The following NLRX1 variants were observed in gnomAD, a reference collection of about 807,000 sequenced individuals.
NLRX1 encodes NLR family member X1.
Under a neutral mutation model 74.2 loss-of-function variants are expected in NLRX1, and 67 were observed. That is an observed-to-expected ratio of 0.90 (90% CI 0.74 to 1.11). The LOEUF (loss-of-function observed/expected upper bound fraction) is 1.11. Among genes scored for constraint, NLRX1 ranks in the 50% least tolerant of loss-of-function variants. The probability of loss-of-function intolerance (pLI) is 0.00; values close to 1 mark genes in which losing one functional copy is unlikely to be tolerated. For missense variants in NLRX1, 1,191 were observed against 1,305.4 expected, an observed-to-expected ratio of 0.91 and a Z score of 1.35; for synonymous variants, 506 against 559.1, an observed-to-expected ratio of 0.91 and a Z score of 1.34.
At chr11:119,180,370 A>T in intron 7 of NLRX1, 82 bp downstream of exon 7, 1 of 1,156,206 alleles carries the variant, frequency 8.6e-7, no homozygotes, top group Non-Finnish European at 1.2e-6. Context: ...TGCCAGGGAA[A>T]CCAGAGGTAC....
chr11:119,174,454 C>T lies in NLRX1; in HGVS notation c.851C>T (p.Ala284Val). The T allele has an allele frequency of 6.2e-7, 1 of 1,612,518 alleles. No individual in the cohort carries two copies. The highest frequency in any genetic ancestry group is 8.5e-7 in the Non-Finnish European group (1 of 1,178,900). ...AACTCTCAACCATGCTCTTCCCAGG[C>T]CAGCATTCTGGTGACCACTCGGCCC... ...NLLRKYMLPQ[A>V]SILVTTRPSA... The change falls in exon 6 of 10, where the codon GCC (alanine) becomes GTC (valine). Residue 284 changes from alanine to valine, a missense_variant and splice_region_variant. Transcript: ENST00000409109.
chr11:119,170,029 A>T (rs1444485608), intron 1 of NLRX1, among the ~76,000 whole-genome samples: 1 of 148,004 alleles, frequency 6.8e-6, no homozygotes, highest in African/African-American at 2.6e-5. Flanking sequence ...AAAAAAAAAA[A>T]AAAAATTGGT....
At position 119,171,381 on chromosome 11, in the gene NLRX1, A is replaced by G; in HGVS notation, c.-23A>G. 1 of 1,613,022 alleles carries G rather than the reference A, an allele frequency of 6.2e-7. No homozygotes were observed. The highest frequency in any genetic ancestry group is 8.5e-7 in the Non-Finnish European group (1 of 1,179,646). On this transcript the variant is annotated 5_prime_UTR_variant, in exon 2 of 10. Coordinates refer to ENST00000409109, the MANE Select transcript of NLRX1 (RefSeq NM_001282144.2). ...GACAGAAGTCGGTCCTAGGCCCCCC[A>G]GGCTCTGACCTTCTTTCCCAGGATG...
At position 119,181,023 on chromosome 11, in the gene NLRX1, AGAGT is replaced by A. The variant is rs1437889210; in HGVS notation, c.2268-144_2268-141del. On this transcript the variant is annotated intron_variant, in intron 7 of 9. Transcript: ENST00000409109. ...GCCATTGTGCTCCAACCTGGGCAAC[AGAGT>A]GAGACCCTGTCTCTCAAAAAAGGGG... is the stretch of plus-strand genomic sequence containing the variant. 1.6e-5 allele frequency: 10 copies of A among 637,232 alleles called. No individual in the cohort carries two copies. In the Middle Eastern group the frequency reaches 9.6e-4, roughly 61 times the overall value. 39.5% of individuals were successfully genotyped at this position (637,232 alleles called of 1,614,324 possible).
At chr11:119,175,437 A>G (rs981833898) in intron 6 of NLRX1, among the ~76,000 whole-genome samples, 163 bp downstream of exon 6, 1 of 152,190 alleles carries the variant, frequency 6.6e-6, no homozygotes, top group African/African-American at 2.4e-5. Context: ...ATCTGGTTTC[A>G]GCTCTGAGCA....
chr11:119,181,097 T>C, intron 7 of NLRX1, 74 bp from the exon 8 acceptor site: 1 of 1,019,062 alleles, frequency 9.8e-7, no homozygotes, highest in South Asian at 1.3e-5. Context: ...AAAAAAGGCA[T>C]GGTAGATGGA....
chr11:119,174,145 C>A, intron 5 of NLRX1, 47 bp downstream of exon 5: 1 of 1,587,888 alleles, frequency 6.3e-7, no homozygotes, highest in Middle Eastern at 1.7e-4. Flanking sequence ...CGTTGACTCG[C>A]CCCCTAGGTC....
Position 119,173,895 on chromosome 11 carries a change from G to A in NLRX1, c.646G>A (p.Val216Met), listed in dbSNP as rs1948619938. 2 of 1,613,460 alleles carry A rather than the reference G, an allele frequency of 1.2e-6. No individual in the cohort carries two copies. Among genetic ancestry groups the A allele is most frequent in the Non-Finnish European group, 1.7e-6 (2 of 1,180,040 alleles). ...GPAPASLCQL[V>M]AQRYTPLKEV... ...TGCCCCAGCCTCCCTGTGCCAACTT[G>A]TGGCCCAGCGCTACACGCCCCTGAA... Residue 216 changes from valine to methionine, a missense_variant, in exon 5 of 10, where the codon GTG becomes ATG. Val to Met is a conservative substitution (Grantham distance 21, BLOSUM62 1). Transcript: ENST00000409109. The surrounding 1 kb of genome is among the most constrained non-coding windows in gnomAD (Gnocchi z 4.0).
intron 8 of NLRX1, among the ~76,000 whole-genome samples, chr11:119,181,739 CAG>C (rs886963137): frequency 3.9e-4 from 59 of 151,768 alleles, no homozygotes; most frequent in African/African-American, 1.3e-3. Context: ...ATAGGGGAGT[CAG>C]AGGGGAGGGA....
Position 119,183,194 on chromosome 11 carries a change from C to A in NLRX1, c.2683C>A (p.Arg895=), listed in dbSNP as rs149852877. The A allele has an allele frequency of 6.2e-7, 1 of 1,614,158 alleles. No homozygotes were observed. The highest frequency in any genetic ancestry group is 1.7e-5 in the Admixed American group (1 of 60,020). Reference sequence around the variant, plus strand: ...GGGGGGTGCTGCTGAAGGTGGTGCCCGGGTGGTGGTGTCACTGACAGAGGG... The same window carrying A: ...GGGGGGTGCTGCTGAAGGTGGTGCCAGGGTGGTGGTGTCACTGACAGAGGG... The part of the protein sequence containing the change: ...DLGGAAEGGA[R]VVVSLTEGTA... The change falls in exon 10 of 10, where the codon CGG becomes AGG. Residue 895 remains arginine, a synonymous_variant. Transcript: ENST00000409109. This position sits in a 1 kb window ranked among gnomAD's most constrained non-coding sequence, Gnocchi z 5.7.
rs770187829 is a variant in NLRX1 at position 119,174,731 on chromosome 11, C to T, written c.1128C>T (p.Leu376=). 9.9e-6 allele frequency: 16 copies of T among 1,613,890 alleles called. No individual in the cohort carries two copies. In the African/African-American group the frequency reaches 1.2e-4, roughly 12 times the overall value. The change falls in exon 6 of 10, where the codon CTC becomes CTT. Residue 376 remains leucine, a synonymous_variant. Transcript: ENST00000409109. The part of the protein sequence containing the change: ...AACFLPSYCW[L]VCATLHFLHA... ...GCTTCCTGCCGTCCTATTGCTGGCT[C>T]GTTTGTGCCACCTTGCACTTCCTGC...
rs369008151 is a variant in NLRX1 at position 119,182,173 on chromosome 11, C to A, written c.2434C>A (p.Leu812Met). ...GGCAGGAAACACCTCAGTGACGCAC[C>A]TGTCCCTGCTGCACACGGGCCTTGG... ...GLAGNTSVTH[L>M]SLLHTGLGDE... The change falls in exon 9 of 10, where the codon CTG becomes ATG. Residue 812 changes from leucine (L) to methionine (M), a missense_variant. Transcript: ENST00000409109. 1.2e-6 allele frequency: 2 copies of A among 1,614,046 alleles called. No homozygotes were observed. The highest frequency in any genetic ancestry group is 1.7e-5 in the Admixed American group (1 of 60,016).
At chr11:119,169,781 G>A (rs1948496186) in intron 1 of NLRX1, among the ~76,000 whole-genome samples, 1 of 152,078 alleles carries the variant, frequency 6.6e-6, no homozygotes, top group South Asian at 2.1e-4. Flanking sequence ...CTTGAGCCCA[G>A]GAGTTCGAGA....
chr11:119,181,790 A>G (rs77757234), intron 8 of NLRX1, among the ~76,000 whole-genome samples: 5,551 of 152,186 alleles, frequency 0.036, 353 homozygotes, highest in African/African-American at 0.13. Context: ...AGGCAGAAAA[A>G]GGGAAACGGA....
intron 6 of NLRX1, chr11:119,178,060 CAGG>C (rs1948741518): frequency 6.6e-6 from 1 of 152,154 alleles, no homozygotes; most frequent in Non-Finnish European, 1.5e-5. Context: ...TCACAGCTGT[CAGG>C]AGGCCAAGGC....
At chr11:119,171,287 G>C (rs1048851648) in intron 1 of NLRX1, 69 bp from the exon 2 acceptor site, 4 of 1,081,116 alleles carry the variant, frequency 3.7e-6, no homozygotes, top group Non-Finnish European at 3.9e-6. Flanking sequence ...TCCCTCCTTG[G>C]CTGGAATGGG....
chr11:119,182,080 G>T lies in NLRX1; in HGVS notation c.2355-14G>T. 6.2e-7 allele frequency: 1 copy of T among 1,612,510 alleles called. No homozygotes were observed. ...CAATGAGCCCTCATAACCTTGGGTT[G>T]CACGTGGCTGTAGGCTGTCCAACAA... is the stretch of plus-strand genomic sequence containing the variant. On this transcript the variant is annotated splice_polypyrimidine_tract_variant and intron_variant, in intron 8 of 9. Coordinates refer to ENST00000409109, the MANE Select transcript of NLRX1 (RefSeq NM_001282144.2).
At position 119,179,743 on chromosome 11, in the gene NLRX1, G is replaced by T; in HGVS notation, c.1722G>T (p.Val574=). 6.2e-7 allele frequency: 1 copy of T among 1,612,050 alleles called. No homozygotes were observed. ...GRMVGKSREA[V]AQAMVLEMFR... is the part of the protein sequence containing the mutation. ...TGGTGGGTAAAAGCCGGGAGGCGGT[G>T]GCTCAGGCCATGGTGCTGGAGATGT... is the stretch of plus-strand genomic sequence containing the variant. The change falls in exon 7 of 10, where the codon GTG becomes GTT. Residue 574 remains valine (V), a synonymous_variant. Transcript: ENST00000409109.
rs144519440 is a variant in NLRX1, at chr11:119,174,904, A to G, written c.1301A>G (p.Tyr434Cys). The change falls in exon 6 of 10, where the codon TAT becomes TGT. Residue 434 changes from tyrosine (Y) to cysteine (C), a missense_variant. Transcript: ENST00000409109. ...GCCCGAACCATGGGCAAGTTGGCCT[A>G]TGAGGGGGTGTCCTCCCGCAAGACC... is the stretch of plus-strand genomic sequence containing the variant. ...YAARTMGKLAYEGVSSRKTYF... is the reference protein window; with the variant it reads ...YAARTMGKLACEGVSSRKTYF... The G allele has an allele frequency of 3.7e-6, 6 of 1,614,034 alleles. No homozygotes were observed. Among genetic ancestry groups the G allele is most frequent in the East Asian group, 4.5e-5 (2 of 44,886 alleles).
Sources: gnomAD v4.1 joint callset for allele counts (sites outside exome capture counted in the v4.1 genomes callset) on GRCh38, gnomAD v4.1.1 for gene constraint, Gnocchi (gnomAD v3.1) non-coding constraint, MANE v1.5 for transcripts, NCBI Gene and HGNC (gene_info 2026-07-23, HGNC 2026-07-21) for gene names.